Variants in CLCN7 observed in about 807,000 individuals in gnomAD.
CLCN7 encodes the protein H(+)/Cl(-) exchange transporter 7.
Under a neutral mutation model 102.1 loss-of-function variants are expected in CLCN7, and 60 were observed. That is an observed-to-expected ratio of 0.59 (90% CI 0.48 to 0.73). CLCN7 has a LOEUF of 0.73. Ranked by LOEUF, CLCN7 falls within the 30% of genes least tolerant of loss-of-function variation. The pLI is 0.00. For missense variants in CLCN7, 962 were observed against 1,125.7 expected, an observed-to-expected ratio of 0.85 and a Z score of 2.08; for synonymous variants, 560 against 490.5, an observed-to-expected ratio of 1.14 and a Z score of -1.87.
intron 15 of CLCN7, 90 bp downstream of exon 15, chr16:1,452,665 C>T: frequency 1.4e-6 from 2 of 1,393,708 alleles, no homozygotes; most frequent in Non-Finnish European, 2.0e-6. Flanking sequence ...GCGGGGTGGG[C>T]AGCCCTCCTC....
intron 1 of CLCN7, among the ~76,000 whole-genome samples, chr16:1,474,527 AATG>A (rs1410112916): frequency 9.9e-5 from 15 of 152,152 alleles, no homozygotes; most frequent in African/African-American, 3.4e-4. Flanking sequence ...CACCGGAGGG[AATG>A]AACGTGCGCC....
chr16:1,460,751 T>C (rs1222057082), intron 5 of CLCN7, 65 bp downstream of exon 5: 12 of 1,611,182 alleles, frequency 7.4e-6, no homozygotes, highest in Non-Finnish European at 1.0e-5. Flanking sequence ...TCAGGACTTC[T>C]GCCCGGGACT....
chr16:1,458,882 T>G (rs779562821), intron 7 of CLCN7, among the ~76,000 whole-genome samples: 1 of 152,340 alleles, frequency 6.6e-6, no homozygotes, highest in Non-Finnish European at 1.5e-5. Context: ...CATTTCTGTA[T>G]GACTACTCAT....
rs12164971 is a variant in CLCN7 at position 1,459,439 on chromosome 16, A to C, written c.595-252T>G. ...GGGAGCTCAGCACACACGTCGGGGC[A>C]TCAGGGAAGGGGAGAGCAGCACACG... is the stretch of plus-strand genomic sequence containing the variant. On this transcript the variant is annotated intron_variant, in intron 6 of 24. Transcript: ENST00000382745. The C allele has an allele frequency of 0.022, 3,133 of 141,742 alleles. 284 individuals carry two copies. Among genetic ancestry groups the C allele is most frequent in the African/African-American group, 0.18 (2,135 of 12,046 alleles). The allele number at this position is 141,742 out of a possible 1,614,324, so 8.8% of individuals were successfully genotyped here.
intron 9 of CLCN7, among the ~76,000 whole-genome samples, chr16:1,456,873 C>A (rs1023935826): frequency 6.6e-6 from 1 of 151,876 alleles, no homozygotes; most frequent in African/African-American, 2.4e-5. Flanking sequence ...CACACAAATG[C>A]AGCTCAATCC....
Position 1,449,113 on chromosome 16 carries a change from C to T in CLCN7, c.1670-20G>A. On this transcript the variant is annotated intron_variant, in intron 18 of 24. Transcript: ENST00000382745. ...TCCCGCCTGCGGGAGCCATCATGAACCCCAGCACGTCCACCCTCCTGGCTC... is the reference window on the plus strand; with the variant it reads ...TCCCGCCTGCGGGAGCCATCATGAATCCCAGCACGTCCACCCTCCTGGCTC... 2 of 1,612,702 alleles carry T rather than the reference C, an allele frequency of 1.2e-6. No individual in the cohort carries two copies. Among genetic ancestry groups the T allele is most frequent in the East Asian group, 2.2e-5 (1 of 44,870 alleles).
At chr16:1,470,754 C>T (rs778063980) in intron 1 of CLCN7, among the ~76,000 whole-genome samples, 2 of 152,224 alleles carry the variant, frequency 1.3e-5, no homozygotes, top group Non-Finnish European at 2.9e-5. Context: ...CAGACCCTCC[C>T]CCGCAGCCTT....
At position 1,447,041 on chromosome 16, in the gene CLCN7, G is replaced by A. The variant is rs773175378; in HGVS notation, c.2296C>T (p.Leu766=). ...TTGTCCACCACCACCAGGTGCCGCAGGCCCAGGGCCCGGAACAGCTTGAAC... is the reference window on the plus strand; with the variant it reads ...TTGTCCACCACCACCAGGTGCCGCAAGCCCAGGGCCCGGAACAGCTTGAAC... ...RVFKLFRALG[L]RHLVVVDNRN... is the part of the protein sequence containing the mutation. The change falls in exon 24 of 25, where the codon CTG becomes TTG. Residue 766 remains leucine, a synonymous_variant. Coordinates refer to ENST00000382745, the MANE Select transcript of CLCN7 (RefSeq NM_001287.6). The A allele has an allele frequency of 1.2e-6, 2 of 1,602,558 alleles. No homozygotes were observed. Among genetic ancestry groups the A allele is most frequent in the South Asian group, 2.2e-5 (2 of 90,236 alleles).
intron 2 of CLCN7, among the ~76,000 whole-genome samples, chr16:1,462,081 T>C (rs1473356126): frequency 9.2e-6 from 1 of 108,522 alleles, no homozygotes; most frequent in Non-Finnish European, 2.0e-5. Flanking sequence ...CAAGACTCCG[T>C]CTCAAAGAAA....
rs1038084372 is a variant in CLCN7 at position 1,445,961 on chromosome 16, C to T, written c.*670G>A. 2.9e-6 allele frequency: 1 copy of T among 346,692 alleles called. No homozygotes were observed. The allele number at this position is 346,692 out of a possible 1,614,324, so 21.5% of individuals were successfully genotyped here. A position where few individuals can be genotyped will look rare whatever the true frequency, so the allele number is the denominator to read the frequency against. On this transcript the variant is annotated 3_prime_UTR_variant, in exon 25 of 25. Transcript: ENST00000382745. ...CTTGGAGGTTTTTCTCAGCTCTCAACATCACAGCACAGGGCCCGTGAGTCA... is the reference window on the plus strand; with the variant it reads ...CTTGGAGGTTTTTCTCAGCTCTCAATATCACAGCACAGGGCCCGTGAGTCA...
At position 1,453,898 on chromosome 16, in the gene CLCN7, C is replaced by A. The variant is rs377547396; in HGVS notation, c.1154-4G>T. The A allele has an allele frequency of 6.2e-7, 1 of 1,612,964 alleles. No individual in the cohort carries two copies. The highest frequency in any genetic ancestry group is 1.3e-5 in the African/African-American group (1 of 74,940). ...AACACTGCTCCAAGCACACCGCCTGCGAACAGGGGAAAGGCCAGTCAGCGA... is the reference window on the plus strand; with the variant it reads ...AACACTGCTCCAAGCACACCGCCTGAGAACAGGGGAAAGGCCAGTCAGCGA... On this transcript the variant is annotated splice_region_variant and splice_polypyrimidine_tract_variant and intron_variant, in intron 13 of 24. Transcript: ENST00000382745.
chr16:1,445,905 C>T lies in CLCN7; in HGVS notation c.*726G>A. ...ACTCCAAGCTCTGGGGGTTGGGGGACCAAGGCAGGGCTGGGCATGGGGCTC... is the reference window on the plus strand; with the variant it reads ...ACTCCAAGCTCTGGGGGTTGGGGGATCAAGGCAGGGCTGGGCATGGGGCTC... On this transcript the variant is annotated 3_prime_UTR_variant, in exon 25 of 25. Coordinates refer to ENST00000382745, the MANE Select transcript of CLCN7 (RefSeq NM_001287.6). 4.6e-6 allele frequency: 1 copy of T among 219,240 alleles called. No homozygotes were observed. 13.6% of individuals were successfully genotyped at this position (219,240 alleles called of 1,614,324 possible).
chr16:1,455,806 G>C lies in CLCN7; in HGVS notation c.917-11C>G, dbSNP rs2038826410. The C allele has an allele frequency of 6.2e-7, 1 of 1,612,896 alleles. No individual in the cohort carries two copies. Among genetic ancestry groups the C allele is most frequent in the African/African-American group, 1.3e-5 (1 of 74,938 alleles). On this transcript the variant is annotated splice_polypyrimidine_tract_variant and intron_variant, in intron 10 of 24. Transcript: ENST00000382745. Reference sequence around the variant, plus strand: ...TGAACAGGACCCCACCTGGAAGGCAGGCGGCCGGCTCGGGTGCCAGCTGGA... The same window carrying C: ...TGAACAGGACCCCACCTGGAAGGCACGCGGCCGGCTCGGGTGCCAGCTGGA...
At chr16:1,452,700 A>G in intron 15 of CLCN7, 55 bp downstream of exon 15, 1 of 1,544,676 alleles carries the variant, frequency 6.5e-7, no homozygotes, top group Non-Finnish European at 8.7e-7. Context: ...AGCCTCCTGG[A>G]GGCCGCCCTG....
At chr16:1,450,740 T>C (rs2038735538) in intron 16 of CLCN7, 74 bp from the exon 17 acceptor site, 4 of 1,220,202 alleles carry the variant, frequency 3.3e-6, no homozygotes, top group Non-Finnish European at 4.4e-6. Flanking sequence ...CGCTGCCCAG[T>C]CTCGGGCCTC....
chr16:1,448,580 A>C, intron 20 of CLCN7, 96 bp from the exon 21 acceptor site: 1 of 1,601,278 alleles, frequency 6.2e-7, no homozygotes, highest in Non-Finnish European at 8.5e-7. Context: ...CTGGACAGGA[A>C]ACGCGGGGCT....
chr16:1,473,477 G>GCC (rs1393374002), intron 1 of CLCN7, among the ~76,000 whole-genome samples: 8,899 of 135,460 alleles, frequency 0.066, 311 homozygotes, highest in Non-Finnish European at 0.089. Context: ...GGGTTCAATT[G>GCC]ATTCTCCTGC....
chr16:1,461,726 G>A, intron 2 of CLCN7, 52 bp from the exon 3 acceptor site: 1 of 1,463,570 alleles, frequency 6.8e-7, no homozygotes, highest in African/African-American at 1.4e-5. Flanking sequence ...GCCACAAGGA[G>A]AGAGGCCCCT....
In CLCN7 at chr16:1,446,688, G is replaced by A. The variant is rs373814247; in HGVS notation, c.2361C>T (p.Leu787=). 6.3e-6 allele frequency: 10 copies of A among 1,590,620 alleles called. No individual in the cohort carries two copies. The highest frequency in any genetic ancestry group is 1.7e-5 in the Admixed American group (1 of 57,896). ...CTCTCTTTCCCAGGCGGTACCTGGC[G>A]AGGTCCTTCCTGGTCACCAACCCGA... ...QVVGLVTRKD[L]ARYRLGKRGL... is the part of the protein sequence containing the mutation. Residue 787 remains leucine (L), a synonymous_variant, in exon 25 of 25, where the codon CTC becomes CTT. Transcript: ENST00000382745.
Sources: allele counts gnomAD v4.1 joint callset (sites outside exome capture counted in the v4.1 genomes callset), GRCh38; gene constraint gnomAD v4.1.1; transcripts MANE v1.5; gene names NCBI Gene and HGNC (gene_info 2026-07-23, HGNC 2026-07-21).